The following LNX2 variants were observed in gnomAD, a reference collection of about 807,000 sequenced individuals.
The protein encoded by LNX2 is ligand of Numb protein X 2.
In LNX2, 35 loss-of-function variants were observed where a neutral mutation model predicts 66.2. The ratio of observed to expected loss-of-function variants is 0.53; its 90% CI spans 0.40 to 0.70. The LOEUF is 0.70. Among genes scored for constraint, LNX2 ranks in the 30% least tolerant of loss-of-function variants. The pLI, the probability that LNX2 is intolerant of heterozygous loss-of-function variation, is 0.00. For missense variants in LNX2, 791 were observed against 850.8 expected, an observed-to-expected ratio of 0.93 and a Z score of 0.87; for synonymous variants, 337 against 315.6, an observed-to-expected ratio of 1.07 and a Z score of -0.72.
At chr13:27,619,364 A>G (rs991761700) in intron 1 of LNX2, among the ~76,000 whole-genome samples, 5 of 152,228 alleles carry the variant, frequency 3.3e-5, no homozygotes, top group African/African-American at 1.2e-4. Context: ...AGCAAAGTAA[A>G]TAAAATTGAT....
intron 2 of LNX2, among the ~76,000 whole-genome samples, chr13:27,571,572 G>C (rs1256017870): frequency 4.6e-5 from 7 of 151,992 alleles, no homozygotes; most frequent in African/African-American, 1.7e-4. Flanking sequence ...TTGTGATGAT[G>C]GTCACGTAAT....
chr13:27,571,936 C>T (rs1353325354), intron 2 of LNX2, among the ~76,000 whole-genome samples: 1 of 152,068 alleles, frequency 6.6e-6, no homozygotes, highest in African/African-American at 2.4e-5. Flanking sequence ...CTCTGTTATC[C>T]CCATTTAAAA....
At chr13:27,550,948 G>A (rs1041531261) in intron 8 of LNX2, among the ~76,000 whole-genome samples, 4 of 152,166 alleles carry the variant, frequency 2.6e-5, no homozygotes, top group Non-Finnish European at 4.4e-5. Flanking sequence ...CGCAGCTTCC[G>A]AAAAGAAGGC....
At chr13:27,557,776 T>C (rs1172844556) in intron 6 of LNX2, among the ~76,000 whole-genome samples, 2 of 152,078 alleles carry the variant, frequency 1.3e-5, no homozygotes, top group Non-Finnish European at 2.9e-5. Context: ...AGCAGCATAG[T>C]ATTCCCAGAA....
rs1292704958 is a variant in LNX2 at position 27,556,883 on chromosome 13, T to C, written c.1369-470A>G. Among the ~76,000 whole-genome samples, 3 of 152,348 alleles carry C rather than the reference T, an allele frequency of 2.0e-5. No individual in the cohort carries two copies. The East Asian group carries it at 5.8e-4, about 29-fold the overall frequency. ...AAAAGGTCATCGACCTATCTCCTGA[T>C]TCTCACTGACTACTACTATGAGTGC... is the stretch of plus-strand genomic sequence containing the variant. On this transcript the variant is annotated intron_variant, in intron 6 of 9. Coordinates refer to ENST00000316334, the MANE Select transcript of LNX2 (RefSeq NM_153371.4).
In LNX2 at chr13:27,562,800, G is replaced by C; in HGVS notation, c.856-19C>G. ...TGTTGACCTAGAAAAAAAGAATTGT[G>C]ACCGAAGTGTGACAACCTTTTATTT... On this transcript the variant is annotated intron_variant, in intron 4 of 9. Coordinates refer to ENST00000316334, the MANE Select transcript of LNX2 (RefSeq NM_153371.4). 1 of 1,589,072 alleles carries C rather than the reference G, an allele frequency of 6.3e-7. No homozygotes were observed. Among genetic ancestry groups the C allele is most frequent in the Non-Finnish European group, 8.6e-7 (1 of 1,166,530 alleles).
intron 1 of LNX2, among the ~76,000 whole-genome samples, chr13:27,582,444 T>C (rs533159966): frequency 2.0e-5 from 3 of 152,348 alleles, no homozygotes; most frequent in Non-Finnish European, 2.9e-5. Flanking sequence ...TCCCCAAATA[T>C]GTCACTGTTC....
chr13:27,548,107 A>G lies in LNX2; in HGVS notation c.*228T>C. ...TTTAACAACTAAGTCTGAATTCTGAAAATATAAACTCACAAAGGTTAGTGG... is the reference window on the plus strand; with the variant it reads ...TTTAACAACTAAGTCTGAATTCTGAGAATATAAACTCACAAAGGTTAGTGG... On this transcript the variant is annotated 3_prime_UTR_variant, in exon 10 of 10. Coordinates refer to ENST00000316334, the MANE Select transcript of LNX2 (RefSeq NM_153371.4). 1 of 486,328 alleles carries G rather than the reference A, an allele frequency of 2.1e-6. No homozygotes were observed. Among genetic ancestry groups the G allele is most frequent in the Non-Finnish European group, 3.6e-6 (1 of 275,046 alleles). The allele number at this position is 486,328 out of a possible 1,614,324, so 30.1% of individuals were successfully genotyped here.
chr13:27,550,606 G>C, intron 8 of LNX2, 115 bp from the exon 9 acceptor site: 1 of 693,100 alleles, frequency 1.4e-6, no homozygotes, highest in Admixed American at 2.9e-5. Context: ...AAAGAAAAAG[G>C]GCTATTAATA....
At chr13:27,576,698 C>T (rs753884199) in intron 2 of LNX2, among the ~76,000 whole-genome samples, 6 of 151,258 alleles carry the variant, frequency 4.0e-5, no homozygotes, top group Non-Finnish European at 5.9e-5. Context: ...TCACTCTAGC[C>T]TGGGTGACAG....
At chr13:27,589,601 TCTC>T (rs1328257122) in intron 1 of LNX2, among the ~76,000 whole-genome samples, 1 of 152,102 alleles carries the variant, frequency 6.6e-6, no homozygotes, top group Admixed American at 6.5e-5. Flanking sequence ...ATTTTGAAAT[TCTC>T]CTAAACCATG....
intron 2 of LNX2, among the ~76,000 whole-genome samples, chr13:27,571,900 A>C (rs1488622280): frequency 6.6e-6 from 1 of 152,272 alleles, no homozygotes; most frequent in East Asian, 1.9e-4. Flanking sequence ...CTTTATATAC[A>C]TTATTTCATT....
intron 9 of LNX2, 112 bp from the exon 10 acceptor site, chr13:27,548,582 A>G: frequency 8.8e-7 from 1 of 1,134,234 alleles, no homozygotes; most frequent in Non-Finnish European, 1.3e-6. Flanking sequence ...CTGAACTGTC[A>G]ATGGTTAGGG....
At chr13:27,554,748 T>C (rs1955039201) in intron 7 of LNX2, among the ~76,000 whole-genome samples, 1 of 152,186 alleles carries the variant, frequency 6.6e-6, no homozygotes, top group Non-Finnish European at 1.5e-5. Context: ...AGAAGTGGAA[T>C]TGCTGGTCAT....
chr13:27,590,665 A>T (rs1318436431), intron 1 of LNX2, among the ~76,000 whole-genome samples: 2 of 152,216 alleles, frequency 1.3e-5, no homozygotes, highest in African/African-American at 4.8e-5. Context: ...TTTCATAAAA[A>T]ATATCTAAAG....
At chr13:27,563,320 C>T (rs1178456179) in intron 4 of LNX2, among the ~76,000 whole-genome samples, 1 of 152,118 alleles carries the variant, frequency 6.6e-6, no homozygotes, top group Admixed American at 6.5e-5. Context: ...GGTATACAAA[C>T]TTATTTTAGA....
At chr13:27,618,780 G>C (rs1435400589) in intron 1 of LNX2, among the ~76,000 whole-genome samples, 1 of 152,216 alleles carries the variant, frequency 6.6e-6, no homozygotes, top group Non-Finnish European at 1.5e-5. Context: ...CATATGCAAA[G>C]CTCGTAATAC....
chr13:27,618,281 C>T (rs904407899), intron 1 of LNX2, among the ~76,000 whole-genome samples: 2 of 152,212 alleles, frequency 1.3e-5, no homozygotes, highest in African/African-American at 4.8e-5. Flanking sequence ...TAAGTCCTTA[C>T]TATCTGGCAA....
intron 1 of LNX2, among the ~76,000 whole-genome samples, chr13:27,594,849 CCCA>C (rs1226127294): frequency 6.6e-6 from 1 of 152,092 alleles, no homozygotes; most frequent in Non-Finnish European, 1.5e-5. Context: ...TTCTTCCATT[CCCA>C]CCACCTCTCT....
Sources: allele counts gnomAD v4.1 joint callset (sites outside exome capture counted in the v4.1 genomes callset), GRCh38; gene constraint gnomAD v4.1.1; transcripts MANE v1.5; gene names NCBI Gene and HGNC (gene_info 2026-07-23, HGNC 2026-07-21).